Variants in GTF2A1 observed in about 807,000 individuals in gnomAD.
GTF2A1 encodes transcription initiation factor IIA subunit 1.
Under a neutral mutation model 54.1 loss-of-function variants are expected in GTF2A1, and 12 were observed. The ratio of observed to expected loss-of-function variants is 0.22; its 90% CI spans 0.14 to 0.36. The LOEUF (loss-of-function observed/expected upper bound fraction) is 0.36, where lower values mean the gene tolerates loss of function less well. Ranked by LOEUF, GTF2A1 falls within the 10% of genes least tolerant of loss-of-function variation. The probability of loss-of-function intolerance (pLI) is 1.00; values close to 1 mark genes in which losing one functional copy is unlikely to be tolerated. For synonymous variants in GTF2A1, 145 were observed against 152.0 expected, an observed-to-expected ratio of 0.95 and a Z score of 0.34; for missense variants, 335 against 442.2, an observed-to-expected ratio of 0.76 and a Z score of 2.17.
At chr14:81,188,957 T>A (rs1269975147) in intron 7 of GTF2A1, among the ~76,000 whole-genome samples, 1 of 152,252 alleles carries the variant, frequency 6.6e-6, no homozygotes, top group Non-Finnish European at 1.5e-5. Context: ...TGTCCAAGCA[T>A]AATTTGTTGA....
rs1892544564 is a variant in GTF2A1 at position 81,177,063 on chromosome 14, A to G, written c.*3160T>C. 6.6e-6 allele frequency: 1 copy of G among 152,114 alleles called. No individual in the cohort carries two copies. Among genetic ancestry groups the G allele is most frequent in the Non-Finnish European group, 1.5e-5 (1 of 67,946 alleles). The allele number at this position is 152,114 out of a possible 1,614,324, so 9.4% of individuals were successfully genotyped here. On this transcript the variant is annotated 3_prime_UTR_variant, in exon 9 of 9. Coordinates refer to ENST00000553612, the MANE Select transcript of GTF2A1 (RefSeq NM_015859.4). ...CCTCCATAAAAGCCAGGAAAAAAAA[A>G]ATCTGTGACTTTCATTATAGCAAAA...
chr14:81,213,445 C>A (rs1893418036), intron 2 of GTF2A1, among the ~76,000 whole-genome samples: 1 of 152,176 alleles, frequency 6.6e-6, no homozygotes, highest in African/African-American at 2.4e-5. Context: ...AGACTGACCA[C>A]TAGTTTGACC....
chr14:81,211,471 C>A (rs77917919), intron 2 of GTF2A1, among the ~76,000 whole-genome samples: 4,469 of 152,246 alleles, frequency 0.029, 91 homozygotes, highest in East Asian at 0.055. Flanking sequence ...ATTAGCTAAA[C>A]GACCTTGTCA....
At position 81,206,035 on chromosome 14, in the gene GTF2A1, A is replaced by T. The variant is rs557714313; in HGVS notation, c.133-1931T>A. On this transcript the variant is annotated intron_variant, in intron 2 of 8. Coordinates refer to ENST00000553612, the MANE Select transcript of GTF2A1 (RefSeq NM_015859.4). ...TGAGCCAAAAATCAAGGTGAAAAAA[A>T]GTCTTATTAATGTTTTGTTTAAAAA... Among the ~76,000 whole-genome samples, 24 of 152,366 alleles carry T rather than the reference A, an allele frequency of 1.6e-4. No homozygotes were observed. In the East Asian group the frequency reaches 4.6e-3, roughly 29 times the overall value.
At chr14:81,209,021 ATGAGT>A (rs1338597852) in intron 2 of GTF2A1, among the ~76,000 whole-genome samples, 12 of 152,160 alleles carry the variant, frequency 7.9e-5, no homozygotes, top group African/African-American at 2.9e-4. Context: ...TAATGCTGAG[ATGAGT>A]TAAGACTTTG....
At chr14:81,216,605 T>C (rs1413441835) in intron 1 of GTF2A1, 91 bp from the exon 2 acceptor site, 5 of 630,596 alleles carry the variant, frequency 7.9e-6, no homozygotes, top group Non-Finnish European at 1.4e-5. Flanking sequence ...CGAATAGTCA[T>C]TTTGCCAACT....
intron 4 of GTF2A1, among the ~76,000 whole-genome samples, chr14:81,201,300 T>C (rs980944829): frequency 1.3e-5 from 2 of 152,184 alleles, no homozygotes; most frequent in Non-Finnish European, 2.9e-5. Flanking sequence ...AGAACCATAC[T>C]TGGCATTATA....
At position 81,197,487 on chromosome 14, in the gene GTF2A1, GA is replaced by G; in HGVS notation, c.403-4del. 4 of 1,542,878 alleles carry G rather than the reference GA, an allele frequency of 2.6e-6. No homozygotes were observed. The highest frequency in any genetic ancestry group is 2.7e-6 in the Non-Finnish European group (3 of 1,127,790). ...GTAGCAGCTGTAGCAGCAGCACTCT[GA>G]AAAAAACAAAGAAAAAATATCAAAA... On this transcript the variant is annotated splice_polypyrimidine_tract_variant and splice_region_variant and intron_variant, in intron 4 of 8. Transcript: ENST00000553612.
At chr14:81,196,053 A>G in intron 6 of GTF2A1, 55 bp downstream of exon 6, 1 of 1,502,934 alleles carries the variant, frequency 6.7e-7, no homozygotes, top group East Asian at 2.3e-5. Flanking sequence ...TACCCAGGGA[A>G]TACATACAGA....
intron 6 of GTF2A1, among the ~76,000 whole-genome samples, 174 bp from the exon 7 acceptor site, chr14:81,193,013 T>C (rs1203162315): frequency 6.6e-6 from 1 of 152,240 alleles, no homozygotes; most frequent in East Asian, 1.9e-4. Context: ...ATTAAATTTC[T>C]ATTTTATCAA....
At chr14:81,208,881 C>T (rs917974843) in intron 2 of GTF2A1, among the ~76,000 whole-genome samples, 4 of 152,158 alleles carry the variant, frequency 2.6e-5, no homozygotes, top group African/African-American at 7.2e-5. Context: ...TTTGGAACAG[C>T]TTTATTTACC....
At chr14:81,207,567 A>G (rs891652569) in intron 2 of GTF2A1, among the ~76,000 whole-genome samples, 1 of 152,210 alleles carries the variant, frequency 6.6e-6, no homozygotes, top group Non-Finnish European at 1.5e-5. Flanking sequence ...AATACCTGAA[A>G]ATATGGAAGC....
chr14:81,193,963 T>C (rs949190125), intron 6 of GTF2A1, among the ~76,000 whole-genome samples: 1 of 152,122 alleles, frequency 6.6e-6, no homozygotes, highest in African/African-American at 2.4e-5. Flanking sequence ...GTAGTACAAA[T>C]ATGACACAGT....
rs891144529 is a variant in GTF2A1, at chr14:81,175,748, T to C, written c.*4475A>G. 3 of 152,188 alleles carry C rather than the reference T, an allele frequency of 2.0e-5. No individual in the cohort carries two copies. Among genetic ancestry groups the C allele is most frequent in the Non-Finnish European group, 2.9e-5 (2 of 68,006 alleles). The allele number at this position is 152,188 out of a possible 1,614,324, so 9.4% of individuals were successfully genotyped here. ...CTAAACAGAGAAATAACAATGTTTT[T>C]ATCCTAAGTAATCTATACTTTGGAG... On this transcript the variant is annotated 3_prime_UTR_variant, in exon 9 of 9. Transcript: ENST00000553612.
chr14:81,192,462 C>A lies in GTF2A1; in HGVS notation c.933+57G>T, dbSNP rs1892895338. 12 of 1,292,962 alleles carry A rather than the reference C, an allele frequency of 9.3e-6. No homozygotes were observed. In the East Asian group the frequency reaches 2.8e-4, roughly 30 times the overall value. 80.1% of individuals were successfully genotyped at this position (1,292,962 alleles called of 1,614,324 possible). The stretch of plus-strand genomic sequence containing the variant: ...AGGATATAATTTATCAGTGTTGTAC[C>A]AACTAAAAAAGGAAATAATCAAGTA... On this transcript the variant is annotated intron_variant, in intron 7 of 8. Transcript: ENST00000553612.
chr14:81,197,947 A>G (rs761412038), intron 4 of GTF2A1, among the ~76,000 whole-genome samples: 5 of 152,196 alleles, frequency 3.3e-5, no homozygotes, highest in Admixed American at 6.5e-5. Context: ...ATAATTATCT[A>G]CTTTTTAGAA....
chr14:81,182,253 GAACT>G (rs1408380551), intron 8 of GTF2A1, among the ~76,000 whole-genome samples: 1 of 152,172 alleles, frequency 6.6e-6, no homozygotes, highest in Non-Finnish European at 1.5e-5. Context: ...GTTGGATTAA[GAACT>G]AATTATATCT....
chr14:81,197,251 ATG>A, intron 5 of GTF2A1, 156 bp downstream of exon 5: 1 of 560,092 alleles, frequency 1.8e-6, no homozygotes, highest in Non-Finnish European at 3.3e-6. Context: ...TTACAGTTAT[ATG>A]TGTTACAGCC....
rs17111579 is a variant in GTF2A1 at position 81,203,912 on chromosome 14, C to T, written c.325G>A (p.Ala109Thr). ...AGTCCAGTCTCACCTTGCTGTGATG[C>T]AGGAATAAGAACCTGCTGGGTCTGC... is the stretch of plus-strand genomic sequence containing the variant. The part of the protein sequence containing the change: ...QAQTQQVLIP[A>T]SQQATAPQVI... Residue 109 changes from alanine (A) to threonine (T), a missense_variant, in exon 3 of 9, where the codon GCA (alanine) becomes ACA (threonine). By Grantham distance (58) the Ala-to-Thr change is moderately conservative. This residue lies in a region of GTF2A1 where 306 missense variants were observed against 360.4 expected (regional missense o/e 0.85). Coordinates refer to ENST00000553612, the MANE Select transcript of GTF2A1 (RefSeq NM_015859.4). 6.2e-7 allele frequency: 1 copy of T among 1,613,422 alleles called. No homozygotes were observed. Among genetic ancestry groups the T allele is most frequent in the Non-Finnish European group, 8.5e-7 (1 of 1,179,370 alleles).
Sources: gnomAD v4.1 joint callset for allele counts (sites outside exome capture counted in the v4.1 genomes callset) on GRCh38, gnomAD v4.1.1 for gene constraint, gnomAD v4.1.1 regional missense constraint, MANE v1.5 for transcripts, NCBI Gene and HGNC (gene_info 2026-07-23, HGNC 2026-07-21) for gene names.